Variants in ZNF808 observed in about 807,000 individuals in gnomAD.
ZNF808 encodes zinc finger protein 808.
Under a neutral mutation model 8.7 loss-of-function variants are expected in ZNF808, and 5 were observed. The observed-to-expected ratio is 0.58, with a 90% CI of 0.30 to 1.21. ZNF808 has a LOEUF of 1.21. Ranked by LOEUF, ZNF808 falls within the 50% of genes most tolerant of loss-of-function variation. The pLI, the probability that ZNF808 is intolerant of heterozygous loss-of-function variation, is 0.07. For synonymous variants in ZNF808, 380 were observed against 366.0 expected (o/e 1.04, Z -0.44); for missense variants, 1,103 against 1,098.4 (o/e 1.00, Z -0.06).
Position 52,530,101 on chromosome 19 carries a change from C to A in ZNF808, c.-122+2390C>A, listed in dbSNP as rs187482599. Among the ~76,000 whole-genome samples the A allele has an allele frequency of 3.3e-5, 5 of 151,764 alleles. No homozygotes were observed. In the East Asian group the frequency reaches 9.8e-4, roughly 30 times the overall value. ...TTGAGAGGGAGTTTTGTTCTTTTTGCCCAGGCTAGCGTGCGATGGCATGAT... is the reference window on the plus strand; with the variant it reads ...TTGAGAGGGAGTTTTGTTCTTTTTGACCAGGCTAGCGTGCGATGGCATGAT... On this transcript the variant is annotated intron_variant, in intron 1 of 4. Transcript: ENST00000359798.
At position 52,533,038 on chromosome 19, in the gene ZNF808, A is replaced by G. The variant is rs142820936; in HGVS notation, c.-20+29A>G. On this transcript the variant is annotated intron_variant, in intron 2 of 4. Coordinates refer to ENST00000359798, the MANE Select transcript of ZNF808 (RefSeq NM_001039886.4). ...AGTGAGCTACACCCTATCTCAAACA[A>G]ACAAGCCAATAAATGAGAGGTATAA... 1,424 of 152,552 alleles carry G rather than the reference A, an allele frequency of 9.3e-3. 13 individuals are homozygous for G. The highest frequency in any genetic ancestry group is 0.021 in the South Asian group (103 of 4,832). The allele number at this position is 152,552 out of a possible 1,614,324, so 9.4% of individuals were successfully genotyped here.
intron 1 of ZNF808, among the ~76,000 whole-genome samples, chr19:52,529,875 C>G (rs772950539): frequency 5.2e-4 from 78 of 149,684 alleles, no homozygotes; most frequent in Admixed American, 1.5e-3. Flanking sequence ...CATGAGCCAC[C>G]AAGCCCAGCT....
chr19:52,549,349 A>G (rs1377883246), intron 4 of ZNF808, among the ~76,000 whole-genome samples: 2 of 151,884 alleles, frequency 1.3e-5, no homozygotes, highest in Admixed American at 1.3e-4. Flanking sequence ...GGTCTACTGT[A>G]CTCTTCATAG....
downstream of ZNF808, chr19:52,556,379 T>A (rs890042995): frequency 6.3e-6 from 1 of 159,194 alleles, no homozygotes; most frequent in African/African-American, 2.4e-5. Context: ...CAGCCTAGAG[T>A]GCAATGATGT....
chr19:52,557,578 T>C (rs1347809639), downstream of ZNF808, among the ~76,000 whole-genome samples: 2 of 152,166 alleles, frequency 1.3e-5, no homozygotes, highest in African/African-American at 4.8e-5. Flanking sequence ...ACTCATGTAT[T>C]CTTGATTGAA....
downstream of ZNF808, among the ~76,000 whole-genome samples, chr19:52,557,270 C>CT (rs770756121): frequency 9.6e-3 from 1,360 of 142,008 alleles, 16 homozygotes; most frequent in East Asian, 0.023. Flanking sequence ...TGCCCCGCCT[C>CT]TTTTTTTTTT....
At chr19:52,540,483 A>G (rs1422780844) in intron 2 of ZNF808, among the ~76,000 whole-genome samples, 1 of 152,110 alleles carries the variant, frequency 6.6e-6, no homozygotes, top group Non-Finnish European at 1.5e-5. Context: ...ATTTTCTACT[A>G]TGTGATATAT....
intron 4 of ZNF808, among the ~76,000 whole-genome samples, chr19:52,549,370 T>G (rs1282392513): frequency 6.6e-6 from 1 of 152,130 alleles, no homozygotes; most frequent in Non-Finnish European, 1.5e-5. Flanking sequence ...AGTTTACTTG[T>G]TTGTTTGTGT....
At chr19:52,528,130 T>G (rs988020180) in intron 1 of ZNF808, among the ~76,000 whole-genome samples, 2 of 151,936 alleles carry the variant, frequency 1.3e-5, no homozygotes, top group African/African-American at 4.8e-5. Flanking sequence ...CCTGGGATCT[T>G]GCAGACCCCA....
At position 52,535,354 on chromosome 19, in the gene ZNF808, AAG is replaced by A. The variant is rs1303182304; in HGVS notation, c.-20+2351_-20+2352del. On this transcript the variant is annotated intron_variant, in intron 2 of 4. Transcript: ENST00000359798. ...TCAAAAAAAAAAAAAAAAAAAAAAA[AAG>A]AGAGAAAAGGAAAAGAGCGAGGGAG... Among the ~76,000 whole-genome samples, 33 of 143,238 alleles carry A rather than the reference AAG, an allele frequency of 2.3e-4. 1 individual carries two copies. The highest frequency in any genetic ancestry group is 8.8e-4 in the South Asian group (4 of 4,522). 94.0% of individuals were successfully genotyped at this position (143,238 alleles called of 152,430 possible).
At chr19:52,528,898 G>T (rs1257843883) in intron 1 of ZNF808, among the ~76,000 whole-genome samples, 3 of 151,936 alleles carry the variant, frequency 2.0e-5, no homozygotes, top group Admixed American at 6.6e-5. Context: ...TAAATAAGTT[G>T]CGAGGATGGA....
chr19:52,531,213 C>T (rs2059559101), intron 1 of ZNF808, among the ~76,000 whole-genome samples: 1 of 152,184 alleles, frequency 6.6e-6, no homozygotes, highest in African/African-American at 2.4e-5. Flanking sequence ...GTGGCTCACA[C>T]TTGTAATTCC....
At chr19:52,535,754 G>C (rs557899727) in intron 2 of ZNF808, among the ~76,000 whole-genome samples, 1 of 152,222 alleles carries the variant, frequency 6.6e-6, no homozygotes, top group Non-Finnish European at 1.5e-5. Flanking sequence ...TAGTTTGCAT[G>C]CCCGTTCCAG....
chr19:52,564,269 G>T (rs546063686), exon 4 of ZNF808: 41 of 780,418 alleles, frequency 5.3e-5, no homozygotes, highest in Non-Finnish European at 8.4e-5. Context: ...TTTATGCTGT[G>T]TGAGCATCAT....
downstream of ZNF808, among the ~76,000 whole-genome samples, chr19:52,566,296 G>A (rs1411442925): frequency 1.3e-5 from 2 of 151,928 alleles, no homozygotes; most frequent in African/African-American, 2.4e-5. Context: ...ACCCCAAGTA[G>A]CTCAGATTAC....
At position 52,555,703 on chromosome 19, in the gene ZNF808, ATCT is replaced by A. The variant is rs1002257546; in HGVS notation, c.*79_*81del. 46 of 1,544,112 alleles carry A rather than the reference ATCT, an allele frequency of 3.0e-5. No homozygotes were observed. The highest frequency in any genetic ancestry group is 1.7e-4 in the Admixed American group (9 of 53,526). ...ATTGGAGAATCCATGATGAAGAGAAATCTTCTGAGTGTAATAAATGTGGCATGT... is the reference window on the plus strand; with the variant it reads ...ATTGGAGAATCCATGATGAAGAGAAATCTGAGTGTAATAAATGTGGCATGT... On this transcript the variant is annotated 3_prime_UTR_variant, in exon 5 of 5. Coordinates refer to ENST00000359798, the MANE Select transcript of ZNF808 (RefSeq NM_001039886.4).
chr19:52,554,215 C>CA lies in ZNF808; in HGVS notation c.1302dup (p.Val435SerfsTer9), dbSNP rs771817609. The CA allele has an allele frequency of 6.2e-7, 1 of 1,613,632 alleles. No individual in the cohort carries two copies. The highest frequency in any genetic ancestry group is 8.5e-7 in the Non-Finnish European group (1 of 1,179,716). On this transcript the variant is annotated frameshift_variant, in exon 5 of 5. Transcript: ENST00000359798. LOFTEE classifies it low-confidence loss of function (END_TRUNC). Reference sequence around the variant, plus strand: ...AACCTTACAAATGTGAAGAATGTGACAAAGTTTTCAGTCAGAAATCAACCC... The same window carrying CA: ...AACCTTACAAATGTGAAGAATGTGACAAAAGTTTTCAGTCAGAAATCAACCC...
downstream of ZNF808, among the ~76,000 whole-genome samples, chr19:52,561,158 T>TTCTC (rs1191860993): frequency 1.4e-3 from 74 of 52,468 alleles, no homozygotes; most frequent in Non-Finnish European, 1.6e-3. Flanking sequence ...CTTCTATCTG[T>TTCTC]TCTCTCTCTC....
intron 2 of ZNF808, among the ~76,000 whole-genome samples, chr19:52,538,330 A>AATTATTATTATTATTATT (rs760151370): frequency 1.0e-3 from 126 of 124,348 alleles, no homozygotes; most frequent in African/African-American, 2.9e-3. Flanking sequence ...CCTACATACT[A>AATTATTATTATTATTATT]ATTATTATTA....
Sources: gnomAD v4.1 joint callset for allele counts (sites outside exome capture counted in the v4.1 genomes callset) on GRCh38, gnomAD v4.1.1 for gene constraint, MANE v1.5 for transcripts, NCBI Gene and HGNC (gene_info 2026-07-23, HGNC 2026-07-21) for gene names.